Variants in TSGA10 observed in about 807,000 individuals in gnomAD.
The protein encoded by TSGA10 is testis-specific gene 10 protein.
TSGA10 carries 43 observed loss-of-function variants against 96.6 expected under a neutral mutation model. That is an observed-to-expected ratio of 0.44 (90% CI 0.35 to 0.57). The LOEUF (loss-of-function observed/expected upper bound fraction) is 0.57, where lower values mean the gene tolerates loss of function less well. Ranked by LOEUF, TSGA10 falls within the 20% of genes least tolerant of loss-of-function variation. TSGA10 has a pLI of 0.01. For synonymous variants in TSGA10, 229 were observed against 269.9 expected, an observed-to-expected ratio of 0.85 and a Z score of 1.48; for missense variants, 703 against 834.4, an observed-to-expected ratio of 0.84 and a Z score of 1.94.
chr2:99,079,020 C>T, intron 11 of TSGA10: 1 of 396,892 alleles, frequency 2.5e-6, no homozygotes, highest in Non-Finnish European at 4.4e-6. Flanking sequence ...TGCATAAACA[C>T]AAAAGCACAA....
At position 99,055,973 on chromosome 2, in the gene TSGA10, G is replaced by A. The variant is rs1048606271; in HGVS notation, c.1404+8966C>T. Among the ~76,000 whole-genome samples, 31 of 152,210 alleles carry A rather than the reference G, an allele frequency of 2.0e-4. 2 individuals carry two copies. Among genetic ancestry groups the A allele is most frequent in the Admixed American group, 1.7e-3 (26 of 15,292 alleles). On this transcript the variant is annotated intron_variant, in intron 16 of 20. Transcript: ENST00000393483. Reference sequence around the variant, plus strand: ...AATCCCAGCACTTTGGGAGGCTGAGGAGGGTGAATCACGAGGTCAGGAGAT... The same window carrying A: ...AATCCCAGCACTTTGGGAGGCTGAGAAGGGTGAATCACGAGGTCAGGAGAT...
chr2:99,056,465 G>T (rs1292841654), intron 16 of TSGA10, among the ~76,000 whole-genome samples: 2 of 152,010 alleles, frequency 1.3e-5, no homozygotes, highest in Non-Finnish European at 2.9e-5. Flanking sequence ...TGGATGAAAT[G>T]AACAAATTCC....
At chr2:99,043,051 G>A (rs1417385981) in intron 16 of TSGA10, among the ~76,000 whole-genome samples, 2 of 152,026 alleles carry the variant, frequency 1.3e-5, no homozygotes, top group Non-Finnish European at 2.9e-5. Flanking sequence ...GCAACCAGAT[G>A]TCATAATTAA....
At chr2:99,003,279 G>A (rs908936129) in intron 20 of TSGA10, among the ~76,000 whole-genome samples, 1 of 152,110 alleles carries the variant, frequency 6.6e-6, no homozygotes, top group African/African-American at 2.4e-5. Context: ...AATCAATACA[G>A]GAGCACCCAG....
chr2:99,074,188 A>G (rs766163155), intron 12 of TSGA10, among the ~76,000 whole-genome samples: 1 of 151,164 alleles, frequency 6.6e-6, no homozygotes, highest in Non-Finnish European at 1.5e-5. Context: ...AATTTTTTGT[A>G]TACTTAGTAG....
rs1253609905 is a variant in TSGA10 at position 99,127,150 on chromosome 2, A to T, written c.-594T>A. On this transcript the variant is annotated 5_prime_UTR_variant, in exon 2 of 21. Transcript: ENST00000393483. ...CAGCTTCAGAAACTGGAGCCCCTAGACCAAAATCATATTCTTTGGTGGTAA... is the reference window on the plus strand; with the variant it reads ...CAGCTTCAGAAACTGGAGCCCCTAGTCCAAAATCATATTCTTTGGTGGTAA... The T allele has an allele frequency of 2.3e-6, 3 of 1,288,496 alleles. No homozygotes were observed. In the Admixed American group the frequency reaches 6.9e-5, roughly 30 times the overall value. The allele number at this position is 1,288,496 out of a possible 1,614,324, so 79.8% of individuals were successfully genotyped here. A position where few individuals can be genotyped will look rare whatever the true frequency, so the allele number is the denominator to read the frequency against.
chr2:99,042,040 A>ATTT (rs5832865), intron 16 of TSGA10, among the ~76,000 whole-genome samples: 1 of 57,886 alleles, frequency 1.7e-5, no homozygotes, highest in Non-Finnish European at 3.1e-5. Context: ...GCCCCCCCAC[A>ATTT]TTTTTTTTTT....
intron 12 of TSGA10, among the ~76,000 whole-genome samples, chr2:99,073,995 CTTTTCTTTTTTT>C (rs2086302051): frequency 5.5e-5 from 2 of 36,138 alleles, no homozygotes; most frequent in Admixed American, 2.6e-4. Context: ...GTTCCTGTTT[CTTTTCTTTTTTT>C]TTTTTTTTTT....
intron 13 of TSGA10, among the ~76,000 whole-genome samples, chr2:99,072,443 T>G (rs1414603307): frequency 6.6e-6 from 1 of 152,208 alleles, no homozygotes. Flanking sequence ...GGTAAAATCA[T>G]TTTTTCTCCT....
intron 16 of TSGA10, among the ~76,000 whole-genome samples, chr2:99,042,532 C>G (rs928680071): frequency 6.6e-6 from 1 of 152,164 alleles, no homozygotes; most frequent in Admixed American, 6.5e-5. Flanking sequence ...AAGCTGGGTA[C>G]TGCAGTAACT....
At chr2:99,109,048 T>C in intron 6 of TSGA10, 57 bp from the exon 7 acceptor site, 1 of 1,285,832 alleles carries the variant, frequency 7.8e-7, no homozygotes, top group Non-Finnish European at 1.0e-6. Flanking sequence ...GATAGAAAGG[T>C]GCTACTGATG....
intron 10 of TSGA10, among the ~76,000 whole-genome samples, chr2:99,081,840 C>T (rs1006421881): frequency 1.6e-5 from 2 of 124,068 alleles, no homozygotes; most frequent in Admixed American, 8.4e-5. Context: ...GAAGGTCAGA[C>T]TAGAGAAAAA....
intron 1 of TSGA10, among the ~76,000 whole-genome samples, chr2:99,140,017 G>T (rs2093471890): frequency 6.6e-6 from 1 of 152,124 alleles, no homozygotes; most frequent in African/African-American, 2.4e-5. Context: ...AGACAGAAAA[G>T]ATCTCCCAGA....
At chr2:99,029,825 G>A (rs1314205385) in intron 17 of TSGA10, among the ~76,000 whole-genome samples, 1 of 152,166 alleles carries the variant, frequency 6.6e-6, no homozygotes, top group East Asian at 1.9e-4. Flanking sequence ...CTAATATTGG[G>A]AAGAAGGTAA....
Position 99,071,729 on chromosome 2 carries a change from CA to C in TSGA10, c.1083del (p.Phe361LeufsTer15). On this transcript the variant is annotated frameshift_variant, in exon 14 of 21. Coordinates refer to ENST00000393483, the MANE Select transcript of TSGA10 (RefSeq NM_025244.4). LOFTEE classifies it high-confidence loss of function. ...ACCTGGTTTTCTTGTTTAGCTTTAG[CA>C]AACTGTTCCTGGAGATTGTCATTGT... is the stretch of plus-strand genomic sequence containing the variant. ...AHDNDNLQEQ[F>X]AKAKQENQAL... is the part of the protein sequence containing the mutation. 6.2e-7 allele frequency: 1 copy of C among 1,613,196 alleles called. No individual in the cohort carries two copies. The highest frequency in any genetic ancestry group is 8.5e-7 in the Non-Finnish European group (1 of 1,179,660).
chr2:99,084,722 G>A (rs2088025961), intron 10 of TSGA10, among the ~76,000 whole-genome samples: 1 of 151,934 alleles, frequency 6.6e-6, no homozygotes, highest in East Asian at 1.9e-4. Flanking sequence ...GTGTATATGA[G>A]GCAGAAAGTG....
chr2:99,109,337 G>T, intron 6 of TSGA10, 52 bp downstream of exon 6: 2 of 1,542,780 alleles, frequency 1.3e-6, no homozygotes, highest in African/African-American at 1.4e-5. Flanking sequence ...AAGAATAAAA[G>T]CCAGTGTCTG....
At chr2:99,010,112 A>C (rs1318208962) in intron 20 of TSGA10, among the ~76,000 whole-genome samples, 2 of 152,222 alleles carry the variant, frequency 1.3e-5, no homozygotes, top group African/African-American at 2.4e-5. Flanking sequence ...AGAACATATA[A>C]ATTTTGTGGT....
intron 14 of TSGA10, among the ~76,000 whole-genome samples, chr2:99,069,564 C>T (rs11123760): frequency 0.054 from 8,208 of 151,554 alleles, 421 homozygotes; most frequent in East Asian, 0.21. Context: ...GTAATCCTGG[C>T]ACTTTGGGAG....
Sources: gnomAD v4.1 joint callset for allele counts (sites outside exome capture counted in the v4.1 genomes callset) on GRCh38, gnomAD v4.1.1 for gene constraint, MANE v1.5 for transcripts, NCBI Gene and HGNC (gene_info 2026-07-23, HGNC 2026-07-21) for gene names.